Variants in NWD2 observed in about 807,000 individuals in gnomAD.
NWD2 encodes NACHT and WD repeat domain containing 2.
Under a neutral mutation model 132.7 loss-of-function variants are expected in NWD2, and 37 were observed. The ratio of observed to expected loss-of-function variants is 0.28; its 90% confidence interval spans 0.21 to 0.37. NWD2 has a LOEUF of 0.37. Among genes scored for constraint, NWD2 ranks in the 10% least tolerant of loss-of-function variants. NWD2 has a pLI of 1.00. For synonymous variants in NWD2, 705 were observed against 803.0 expected, an observed-to-expected ratio of 0.88 and a Z score of 2.06; for missense variants, 1,592 against 2,122.4, an observed-to-expected ratio of 0.75 and a Z score of 4.91.
At chr4:37,430,406 A>G (rs1431353643) in intron 3 of NWD2, among the ~76,000 whole-genome samples, 166 bp from the exon 4 acceptor site, 1 of 152,204 alleles carries the variant, frequency 6.6e-6, no homozygotes, top group African/African-American at 2.4e-5. Flanking sequence ...AGTTGATCTA[A>G]TTTTACTTAG....
intron 2 of NWD2, among the ~76,000 whole-genome samples, chr4:37,350,406 G>C (rs1719736768): frequency 6.6e-6 from 1 of 152,134 alleles, no homozygotes; most frequent in Non-Finnish European, 1.5e-5. Flanking sequence ...CACATCCCTT[G>C]TAAGTTGTAT....
chr4:37,244,956 C>A lies in NWD2; in HGVS notation c.-112C>A. On this transcript the variant is annotated 5_prime_UTR_variant, in exon 1 of 7. Coordinates refer to ENST00000309447, the MANE Select transcript of NWD2 (RefSeq NM_001144990.2). The surrounding 1 kb of genome is among the most constrained non-coding windows in gnomAD (Gnocchi z 5.5). ...CTTCGGGCTCGGAGCGGCTCTGAGC[C>A]GCGCCGCCTGCTGAGATCGACCGCC... is the stretch of plus-strand genomic sequence containing the variant. The A allele has an allele frequency of 7.1e-7, 1 of 1,414,992 alleles. No homozygotes were observed. Among genetic ancestry groups the A allele is most frequent in the South Asian group, 1.3e-5 (1 of 74,110 alleles). 87.7% of individuals were successfully genotyped at this position (1,414,992 alleles called of 1,614,324 possible). A position where few individuals can be genotyped will look rare whatever the true frequency, so the allele number is the denominator to read the frequency against.
rs1369645703 is a variant in NWD2 at position 37,271,413 on chromosome 4, CT to C, written c.151+26197del. On this transcript the variant is annotated intron_variant, in intron 1 of 6. Coordinates refer to ENST00000309447, the MANE Select transcript of NWD2 (RefSeq NM_001144990.2). ...GTATTGTAGATTTCAGGAAAGAGAT[CT>C]TGCACATCTTTTGTTAAATTATTTG... Among the ~76,000 whole-genome samples, 4 of 151,722 alleles carry C rather than the reference CT, an allele frequency of 2.6e-5. No homozygotes were observed. In the East Asian group the frequency reaches 5.8e-4, roughly 22 times the overall value.
chr4:37,425,504 G>C (rs1183532883), intron 3 of NWD2, among the ~76,000 whole-genome samples: 1 of 152,158 alleles, frequency 6.6e-6, no homozygotes, highest in Non-Finnish European at 1.5e-5. Context: ...TCTACAGACA[G>C]GCAAAATCCC....
At chr4:37,257,201 C>T (rs377368358) in intron 1 of NWD2, among the ~76,000 whole-genome samples, 5 of 152,084 alleles carry the variant, frequency 3.3e-5, no homozygotes, top group Admixed American at 1.3e-4. Context: ...TGACTGTGGC[C>T]GTGTGGTGTG....
Position 37,383,543 on chromosome 4 carries a change from C to CT in NWD2, c.357+27064dup, listed in dbSNP as rs566423497. ...ATGTCTCATCTTGTCTGTGTCTTCTCTTTGAGTTCTGATCTCGTAGGTTTC... is the reference window on the plus strand; with the variant it reads ...ATGTCTCATCTTGTCTGTGTCTTCTCTTTTGAGTTCTGATCTCGTAGGTTTC... On this transcript the variant is annotated intron_variant, in intron 3 of 6. Coordinates refer to ENST00000309447, the MANE Select transcript of NWD2 (RefSeq NM_001144990.2). Among the ~76,000 whole-genome samples, 295 of 152,230 alleles carry CT rather than the reference C, an allele frequency of 1.9e-3. 1 individual carries two copies. The highest frequency in any genetic ancestry group is 7.0e-3 in the African/African-American group (290 of 41,540).
chr4:37,271,664 A>C (rs1430249083), intron 1 of NWD2, among the ~76,000 whole-genome samples: 1 of 151,760 alleles, frequency 6.6e-6, no homozygotes, highest in Non-Finnish European at 1.5e-5. Flanking sequence ...TTAGGTCTTC[A>C]CACATTTTAT....
intron 1 of NWD2, among the ~76,000 whole-genome samples, chr4:37,302,803 T>C (rs1718635118): frequency 6.6e-6 from 1 of 152,168 alleles, no homozygotes; most frequent in African/African-American, 2.4e-5. Flanking sequence ...CACTGTTTAA[T>C]TGGATTATTT....
chr4:37,327,847 A>G (rs1169430293), intron 2 of NWD2, among the ~76,000 whole-genome samples: 1 of 152,092 alleles, frequency 6.6e-6, no homozygotes, highest in East Asian at 1.9e-4. Flanking sequence ...CCCCCACAGT[A>G]TCCCCGACTC....
chr4:37,262,546 T>C (rs1296404070), intron 1 of NWD2, among the ~76,000 whole-genome samples: 2 of 152,150 alleles, frequency 1.3e-5, no homozygotes, highest in Non-Finnish European at 2.9e-5. Flanking sequence ...CTAGTAGCTG[T>C]GTTAAATCTG....
chr4:37,391,889 C>CT (rs1159976879), intron 3 of NWD2, among the ~76,000 whole-genome samples: 7 of 152,132 alleles, frequency 4.6e-5, no homozygotes, highest in Admixed American at 4.6e-4. Flanking sequence ...TCTTCATCAG[C>CT]TTAAGTATGT....
In NWD2 at chr4:37,344,194, T is replaced by G. The variant is rs1030698028; in HGVS notation, c.241-12172T>G. ...AAAGTATGTAATAAATCTTGTCTTGTTGAGCACTTTATGTTCCAAGTGTTT... is the reference window on the plus strand; with the variant it reads ...AAAGTATGTAATAAATCTTGTCTTGGTGAGCACTTTATGTTCCAAGTGTTT... On this transcript the variant is annotated intron_variant, in intron 2 of 6. Coordinates refer to ENST00000309447, the MANE Select transcript of NWD2 (RefSeq NM_001144990.2). 2.4e-4 allele frequency among the ~76,000 whole-genome samples: 36 copies of G among 152,328 alleles called. 1 individual carries two copies. In the East Asian group the frequency reaches 6.5e-3, roughly 28 times the overall value.
At chr4:37,331,996 A>G (rs56229446) in intron 2 of NWD2, among the ~76,000 whole-genome samples, 23,487 of 152,210 alleles carry the variant, frequency 0.15, 2,315 homozygotes, top group South Asian at 0.32. Context: ...GACCAGGCCT[A>G]GTCAGAAGGG....
Position 37,443,995 on chromosome 4 carries a change from A to G in NWD2, c.2007A>G (p.Lys669=), listed in dbSNP as rs904967913. Residue 669 remains lysine, a synonymous_variant, in exon 7 of 7, where the codon AAA becomes AAG. Coordinates refer to ENST00000309447, the MANE Select transcript of NWD2 (RefSeq NM_001144990.2). This position sits in a 1 kb window ranked among gnomAD's most constrained non-coding sequence, Gnocchi z 4.1. ...CTCTTGGTTACATCACCATGGCCAA[A>G]ATGGGTCTGAGTGAAATGGAACTGG... ...SRALGYITMA[K]MGLSEMELED... is the part of the protein sequence containing the mutation. 1 of 1,552,190 alleles carries G rather than the reference A, an allele frequency of 6.4e-7. No homozygotes were observed. Among genetic ancestry groups the G allele is most frequent in the African/African-American group, 1.4e-5 (1 of 73,048 alleles).
intron 1 of NWD2, among the ~76,000 whole-genome samples, chr4:37,319,090 G>A (rs554498336): frequency 2.3e-4 from 35 of 152,134 alleles, no homozygotes; most frequent in African/African-American, 8.2e-4. Context: ...ATTTACATTT[G>A]CACCAACAGT....
intron 3 of NWD2, among the ~76,000 whole-genome samples, chr4:37,394,979 A>ATT (rs11406592): frequency 2.0e-4 from 29 of 148,606 alleles, no homozygotes; most frequent in South Asian, 4.2e-4. Context: ...TGCCCAGCTA[A>ATT]TTTTTTTTTT....
Position 37,390,221 on chromosome 4 carries a change from T to C in NWD2, c.357+33739T>C, listed in dbSNP as rs1230340061. 2.8e-5 allele frequency among the ~76,000 whole-genome samples: 4 copies of C among 141,318 alleles called. No homozygotes were observed. In the East Asian group the frequency reaches 7.9e-4, roughly 28 times the overall value. The allele number at this position is 141,318 out of a possible 152,430, so 92.7% of individuals were successfully genotyped here. ...CAGTGTTTTTATACTGAAATTTAAG[T>C]ATATGTACATATACTTTAAGTATAT... On this transcript the variant is annotated intron_variant, in intron 3 of 6. Transcript: ENST00000309447.
At chr4:37,410,765 T>G (rs1287583126) in intron 3 of NWD2, among the ~76,000 whole-genome samples, 5 of 152,146 alleles carry the variant, frequency 3.3e-5, no homozygotes, top group African/African-American at 1.2e-4. Flanking sequence ...CCTCAGCCAA[T>G]GCAAAAGAAC....
At chr4:37,441,246 T>A (rs1380289354) in intron 6 of NWD2, among the ~76,000 whole-genome samples, 1 of 152,182 alleles carries the variant, frequency 6.6e-6, no homozygotes, top group Non-Finnish European at 1.5e-5. Context: ...TTGCATAAAT[T>A]GTGTATGCAT....
Sources: allele counts gnomAD v4.1 joint callset (sites outside exome capture counted in the v4.1 genomes callset), GRCh38; gene constraint gnomAD v4.1.1; non-coding constraint Gnocchi (gnomAD v3.1); transcripts MANE v1.5; gene names NCBI Gene and HGNC (gene_info 2026-07-23, HGNC 2026-07-21).